The following SLC16A7 variants were observed in gnomAD, a reference collection of about 807,000 sequenced individuals.
SLC16A7 encodes solute carrier family 16 member 7, also known as monocarboxylate transporter 2.
In SLC16A7, 33 loss-of-function variants were observed where a neutral mutation model predicts 34.9. That is an observed-to-expected ratio of 0.94 (90% CI 0.72 to 1.26). The LOEUF (loss-of-function observed/expected upper bound fraction) is 1.26, where lower values mean the gene tolerates loss of function less well. Ranked by LOEUF, SLC16A7 falls within the 50% of genes most tolerant of loss-of-function variation. SLC16A7 has a pLI of 0.00. For synonymous variants in SLC16A7, 201 were observed against 206.6 expected (o/e 0.97, Z 0.23); for missense variants, 573 against 578.1 (o/e 0.99, Z 0.09).
In SLC16A7 at chr12:59,671,921, GTATATATCCATATA is replaced by G. The variant is rs1484119688; in HGVS notation, c.-31+16673_-31+16686del. 1.6e-4 allele frequency among the ~76,000 whole-genome samples: 9 copies of G among 55,976 alleles called. 1 individual carries two copies. Among genetic ancestry groups the G allele is most frequent in the East Asian group, 5.7e-4 (1 of 1,750 alleles). The allele number at this position is 55,976 out of a possible 152,430, so 36.7% of individuals were successfully genotyped here. A position where few individuals can be genotyped will look rare whatever the true frequency, so the allele number is the denominator to read the frequency against. On this transcript the variant is annotated intron_variant, in intron 2 of 5. Coordinates refer to ENST00000547379, the MANE Select transcript of SLC16A7 (RefSeq NM_001270623.2). ...TGTATATATACATATATGTATATATGTATATATCCATATATGTATATATGTGTATATATGTATAT... is the reference window on the plus strand; with the variant it reads ...TGTATATATACATATATGTATATATGTGTATATATGTGTATATATGTATAT...
At chr12:59,612,472 G>T (rs1879242940) in intron 1 of SLC16A7, among the ~76,000 whole-genome samples, 1 of 152,134 alleles carries the variant, frequency 6.6e-6, no homozygotes, top group South Asian at 2.1e-4. Context: ...GATAGGAGGG[G>T]CAGCGATGAA....
chr12:59,718,408 G>C (rs139298902), intron 3 of SLC16A7, among the ~76,000 whole-genome samples: 15 of 152,222 alleles, frequency 9.9e-5, no homozygotes, highest in African/African-American at 3.4e-4. Context: ...TGACATAGTG[G>C]AATAGTGGTA....
chr12:59,606,307 G>T (rs1202479073), intron 1 of SLC16A7, among the ~76,000 whole-genome samples: 1 of 152,136 alleles, frequency 6.6e-6, no homozygotes, highest in East Asian at 1.9e-4. Flanking sequence ...AGTAATACCA[G>T]TTGGGAATAC....
intron 2 of SLC16A7, among the ~76,000 whole-genome samples, chr12:59,693,493 C>A (rs2137103920): frequency 6.6e-6 from 1 of 151,870 alleles, no homozygotes; most frequent in South Asian, 2.1e-4. Context: ...CGTATTGATT[C>A]TAAAAGAAAA....
intron 1 of SLC16A7, among the ~76,000 whole-genome samples, chr12:59,610,922 C>G (rs1481188425): frequency 6.6e-6 from 1 of 152,130 alleles, no homozygotes. Context: ...TTATAAACAA[C>G]ACAATTTTTT....
At chr12:59,705,874 T>C (rs548811380) in intron 3 of SLC16A7, among the ~76,000 whole-genome samples, 2 of 152,260 alleles carry the variant, frequency 1.3e-5, no homozygotes, top group East Asian at 3.9e-4. Flanking sequence ...TCTTCTGTGA[T>C]TTCTTATTTT....
intron 3 of SLC16A7, among the ~76,000 whole-genome samples, chr12:59,714,721 T>C (rs1371686351): frequency 1.3e-5 from 2 of 152,078 alleles, no homozygotes; most frequent in African/African-American, 2.4e-5. Context: ...CCCACCACCA[T>C]GCCCAGCAAA....
Position 59,685,052 on chromosome 12 carries a change from T to C in SLC16A7, c.-30-19720T>C, listed in dbSNP as rs113992834. Among the ~76,000 whole-genome samples, 270 of 152,236 alleles carry C rather than the reference T, an allele frequency of 1.8e-3. 1 individual carries two copies. Among genetic ancestry groups the C allele is most frequent in the African/African-American group, 6.2e-3 (257 of 41,554 alleles). ...CAATCTTGACTAGTACAGGAAGGTATGGGGAAAAGAAAAAGAGAAGTTTTT... is the reference window on the plus strand; with the variant it reads ...CAATCTTGACTAGTACAGGAAGGTACGGGGAAAAGAAAAAGAGAAGTTTTT... On this transcript the variant is annotated intron_variant, in intron 2 of 5. Coordinates refer to ENST00000547379, the MANE Select transcript of SLC16A7 (RefSeq NM_001270623.2).
At chr12:59,671,704 A>ATATATATATGTG (rs1214864884) in intron 2 of SLC16A7, among the ~76,000 whole-genome samples, 1 of 146,578 alleles carries the variant, frequency 6.8e-6, no homozygotes, top group Admixed American at 7.0e-5. Context: ...GTGTGTGTGT[A>ATATATATATGTG]TATATATATG....
At chr12:59,610,687 C>T (rs1287352293) in intron 1 of SLC16A7, among the ~76,000 whole-genome samples, 3 of 152,296 alleles carry the variant, frequency 2.0e-5, no homozygotes, top group East Asian at 1.9e-4. Context: ...CAGTTTAGCT[C>T]TTAACTCTAG....
chr12:59,754,345 T>C (rs1880009576), intron 3 of SLC16A7, among the ~76,000 whole-genome samples: 1 of 151,822 alleles, frequency 6.6e-6, no homozygotes, highest in African/African-American at 2.4e-5. Context: ...ATCAACAAAA[T>C]TGATAGACTG....
At chr12:59,760,114 A>T (rs1880846364) in intron 3 of SLC16A7, among the ~76,000 whole-genome samples, 1 of 151,986 alleles carries the variant, frequency 6.6e-6, no homozygotes, top group African/African-American at 2.4e-5. Context: ...AACAATTCAA[A>T]CTCGGCCTTG....
chr12:59,628,507 A>G (rs971832678), intron 1 of SLC16A7, among the ~76,000 whole-genome samples: 1 of 151,926 alleles, frequency 6.6e-6, no homozygotes, highest in Non-Finnish European at 1.5e-5. Context: ...GGAGTCCCAT[A>G]GGAATAATTC....
intron 3 of SLC16A7, among the ~76,000 whole-genome samples, chr12:59,738,832 T>C (rs898795292): frequency 1.3e-4 from 19 of 145,214 alleles, no homozygotes; most frequent in Non-Finnish European, 3.1e-5. Context: ...CCTCAAAGAT[T>C]TTTTTTTTTT....
At chr12:59,644,494 G>C (rs764316855) in intron 1 of SLC16A7, among the ~76,000 whole-genome samples, 1 of 152,162 alleles carries the variant, frequency 6.6e-6, no homozygotes, top group Non-Finnish European at 1.5e-5. Context: ...TTGAGCCTTG[G>C]AGGTGGAAAC....
chr12:59,640,942 A>G (rs186430917), intron 1 of SLC16A7, among the ~76,000 whole-genome samples: 34 of 152,240 alleles, frequency 2.2e-4, no homozygotes, highest in Middle Eastern at 3.4e-3. Flanking sequence ...GTCAAATTGC[A>G]TGCTTAGAAA....
chr12:59,638,357 T>A (rs1279835503), intron 1 of SLC16A7, among the ~76,000 whole-genome samples: 1 of 152,110 alleles, frequency 6.6e-6, no homozygotes, highest in Non-Finnish European at 1.5e-5. Flanking sequence ...GGGTTCTAGA[T>A]TCTGTGATTC....
At chr12:59,668,855 G>A (rs1869432713) in intron 2 of SLC16A7, among the ~76,000 whole-genome samples, 1 of 152,066 alleles carries the variant, frequency 6.6e-6, no homozygotes, top group Admixed American at 6.6e-5. Context: ...AATCATAGCG[G>A]GTATTCTTGT....
At chr12:59,716,692 A>G (rs573728176) in intron 3 of SLC16A7, among the ~76,000 whole-genome samples, 1 of 152,202 alleles carries the variant, frequency 6.6e-6, no homozygotes, top group African/African-American at 2.4e-5. Context: ...TACCCAAAAT[A>G]CAAACAATTA....
Sources: allele counts gnomAD v4.1 joint callset (sites outside exome capture counted in the v4.1 genomes callset), GRCh38; gene constraint gnomAD v4.1.1; transcripts MANE v1.5; gene names NCBI Gene and HGNC (gene_info 2026-07-23, HGNC 2026-07-21).